Variants in GLYATL1 observed in about 807,000 individuals in gnomAD.
The protein encoded by GLYATL1 is glycine-N-acyltransferase like 1.
A neutral mutation model predicts 20.0 loss-of-function variants in GLYATL1; 15 were observed. The observed-to-expected ratio is 0.75, with a 90% CI of 0.50 to 1.15. GLYATL1 has a LOEUF of 1.15. Ranked by LOEUF, GLYATL1 falls within the 50% of genes most tolerant of loss-of-function variation. The pLI, the probability that GLYATL1 is intolerant of heterozygous loss-of-function variation, is 0.00. For synonymous variants in GLYATL1, 151 were observed against 131.5 expected, an observed-to-expected ratio of 1.15 and a Z score of -1.01; for missense variants, 380 against 368.5, an observed-to-expected ratio of 1.03 and a Z score of -0.26.
chr11:58,944,091 T>G (rs2135198151), intron 2 of GLYATL1, among the ~76,000 whole-genome samples: 1 of 152,302 alleles, frequency 6.6e-6, no homozygotes, highest in Middle Eastern at 3.4e-3. Flanking sequence ...TCCTTCTGGC[T>G]TATACATTAG....
chr11:58,939,019 C>A (rs1463143905), upstream of GLYATL1, among the ~76,000 whole-genome samples: 1 of 152,076 alleles, frequency 6.6e-6, no homozygotes, highest in Non-Finnish European at 1.5e-5. Context: ...GAATTGAAAC[C>A]TCCCCTGTAG....
At chr11:58,917,410 T>C (rs1184822393) in intron 1 of GLYATL1, 1 of 152,226 alleles carries the variant, frequency 6.6e-6, no homozygotes, top group East Asian at 1.9e-4. Context: ...ACTTGACTTT[T>C]ATACACGCTT....
intron 1 of GLYATL1, among the ~76,000 whole-genome samples, chr11:58,932,265 A>G (rs575455738): frequency 6.6e-6 from 1 of 152,278 alleles, no homozygotes; most frequent in African/African-American, 2.4e-5. Flanking sequence ...ACATTAAAAT[A>G]TGGATAATAC....
In GLYATL1 at chr11:58,905,623, G is replaced by T. The variant is rs528381173; in HGVS notation, n.200G>T. On this transcript the variant is annotated non_coding_transcript_exon_variant, in exon 1 of 2. Coordinates refer to the GLYATL1 transcript ENST00000524629. Reference sequence around the variant, plus strand: ...ACTGGGAGACAGGGGACGCCGATGAGCAGGAAGAAGCAGGGCAGTGACTGC... The same window carrying T: ...ACTGGGAGACAGGGGACGCCGATGATCAGGAAGAAGCAGGGCAGTGACTGC... 8.8e-5 allele frequency: 40 copies of T among 456,278 alleles called. No individual in the cohort carries two copies. In the Middle Eastern group the frequency reaches 1.3e-3, roughly 15 times the overall value. The allele number at this position is 456,278 out of a possible 1,614,324, so 28.3% of individuals were successfully genotyped here.
chr11:58,945,314 TGATGGTA>T (rs1416008470), intron 2 of GLYATL1, among the ~76,000 whole-genome samples: 1 of 152,010 alleles, frequency 6.6e-6, no homozygotes, highest in Non-Finnish European at 1.5e-5. Flanking sequence ...AAAGAAATGT[TGATGGTA>T]GGAATACAGG....
At chr11:58,922,214 C>T (rs1855325679) in intron 1 of GLYATL1, among the ~76,000 whole-genome samples, 1 of 152,214 alleles carries the variant, frequency 6.6e-6, no homozygotes, top group South Asian at 2.1e-4. Context: ...GGGTTACTCT[C>T]TGGCGCTCCT....
upstream of GLYATL1, among the ~76,000 whole-genome samples, chr11:58,938,516 C>T (rs1467359844): frequency 6.6e-6 from 1 of 152,184 alleles, no homozygotes; most frequent in Non-Finnish European, 1.5e-5. Flanking sequence ...ATCCAAGCTG[C>T]CACGAGTGTT....
chr11:58,932,272 A>G (rs1243473554), intron 1 of GLYATL1, among the ~76,000 whole-genome samples: 2 of 152,174 alleles, frequency 1.3e-5, no homozygotes, highest in Admixed American at 6.5e-5. Context: ...AATATGGATA[A>G]TACCAAGCTT....
chr11:58,932,396 G>T (rs1354351179), intron 1 of GLYATL1, among the ~76,000 whole-genome samples: 2 of 152,126 alleles, frequency 1.3e-5, no homozygotes, highest in Non-Finnish European at 2.9e-5. Flanking sequence ...TAATAAGGGA[G>T]ATTATGCATT....
chr11:58,946,259 G>A (rs1565130651), intron 2 of GLYATL1, among the ~76,000 whole-genome samples: 1 of 151,980 alleles, frequency 6.6e-6, no homozygotes. Flanking sequence ...ATATTACATT[G>A]TGTAATCTCA....
At chr11:58,952,049 C>CTAATGA (rs1857032934) in intron 4 of GLYATL1, among the ~76,000 whole-genome samples, 1 of 151,798 alleles carries the variant, frequency 6.6e-6, no homozygotes, top group Non-Finnish European at 1.5e-5. Context: ...ACAATTCCAA[C>CTAATGA]TAATAATAGT....
intron 2 of GLYATL1, among the ~76,000 whole-genome samples, chr11:58,944,873 T>C (rs1476873242): frequency 1.3e-5 from 2 of 151,938 alleles, no homozygotes; most frequent in Non-Finnish European, 2.9e-5. Context: ...TGATACATAA[T>C]ACAACAGATG....
exon 2 of GLYATL1, chr11:58,907,716 A>G (rs1854937277): frequency 5.1e-6 from 1 of 197,794 alleles, no homozygotes; most frequent in Non-Finnish European, 1.1e-5. Flanking sequence ...TAATTTCACA[A>G]CTTTGGGTGC....
chr11:58,915,551 C>T lies in GLYATL1; in HGVS notation n.264+9890C>T, dbSNP rs543251921. On this transcript the variant is annotated intron_variant and non_coding_transcript_variant, in intron 1 of 2. Transcript: ENST00000534674. ...TGCCTTAACTCAGGAATTCTCAAAG[C>T]CTGGCCCCTGGGCCAGCAAGATCAA... Among the ~76,000 whole-genome samples, 12 of 151,832 alleles carry T rather than the reference C, an allele frequency of 7.9e-5. No homozygotes were observed. In the South Asian group the frequency reaches 2.5e-3, roughly 32 times the overall value.
chr11:58,948,279 T>C (rs1310104073), intron 4 of GLYATL1, among the ~76,000 whole-genome samples: 1 of 151,982 alleles, frequency 6.6e-6, no homozygotes, highest in East Asian at 1.9e-4. Context: ...ACAGGGAAAG[T>C]TGGGTGTCTG....
chr11:58,946,623 T>G (rs1856586513), intron 2 of GLYATL1, among the ~76,000 whole-genome samples: 1 of 152,224 alleles, frequency 6.6e-6, no homozygotes, highest in Non-Finnish European at 1.5e-5. Flanking sequence ...CTACTCCTGC[T>G]CCAAGTTTTT....
upstream of GLYATL1, chr11:58,935,465 C>T (rs377444999): frequency 2.5e-4 from 38 of 152,318 alleles, no homozygotes; most frequent in Admixed American, 6.5e-4. Context: ...TTCAATTAAT[C>T]TTTTCTTATT....
At chr11:58,945,734 A>AT (rs908464226) in intron 2 of GLYATL1, among the ~76,000 whole-genome samples, 62 of 149,788 alleles carry the variant, frequency 4.1e-4, no homozygotes, top group Middle Eastern at 3.4e-3. Context: ...GAAAAAGACC[A>AT]TTTTTTTTTT....
intron 1 of GLYATL1, among the ~76,000 whole-genome samples, chr11:58,921,732 G>GCCT (rs1855313889): frequency 6.6e-6 from 1 of 152,134 alleles, no homozygotes; most frequent in Non-Finnish European, 1.5e-5. Flanking sequence ...TTTTTCCCAA[G>GCCT]CCTCCGTTCA....
Sources: allele counts gnomAD v4.1 joint callset (sites outside exome capture counted in the v4.1 genomes callset), GRCh38; gene constraint gnomAD v4.1.1; transcripts MANE v1.5; gene names NCBI Gene and HGNC (gene_info 2026-07-23, HGNC 2026-07-21).